Variants in SRGAP2C observed in about 807,000 individuals in gnomAD.
SRGAP2C encodes the protein SLIT-ROBO Rho GTPase activating protein 2C.
Under a neutral mutation model 25.1 loss-of-function variants are expected in SRGAP2C, and 15 were observed. The observed-to-expected ratio is 0.60, with a 90% CI of 0.40 to 0.92. SRGAP2C has a LOEUF of 0.92. SRGAP2C is among the 40% of genes least tolerant of loss of function. The pLI, the probability that SRGAP2C is intolerant of heterozygous loss-of-function variation, is 0.00. For synonymous variants in SRGAP2C, 44 were observed against 96.6 expected (o/e 0.46, Z 3.19); for missense variants, 144 against 264.4 (o/e 0.54, Z 3.16).
In SRGAP2C at chr1:121,213,657, C is replaced by T. The variant is rs1570710431; in HGVS notation, c.67+26144C>T. Among the ~76,000 whole-genome samples the T allele has an allele frequency of 4.6e-5, 3 of 65,164 alleles. 1 individual carries two copies. The highest frequency in any genetic ancestry group is 8.6e-5 in the Non-Finnish European group (3 of 34,696). The allele number at this position is 65,164 out of a possible 152,430, so 42.8% of individuals were successfully genotyped here. On this transcript the variant is annotated intron_variant, in intron 2 of 9. Coordinates refer to ENST00000367123, the MANE Select transcript of SRGAP2C (RefSeq NM_001329984.2). ...GGCGGCTGCGTTCAGCGTCTGTGCT[C>T]CCGGGCTGGGGTGCTTATCTGTAGT...
intron 2 of SRGAP2C, among the ~76,000 whole-genome samples, chr1:121,213,050 T>TTG (rs1488458425): frequency 2.0e-5 from 3 of 148,280 alleles, no homozygotes; most frequent in Non-Finnish European, 4.5e-5. Flanking sequence ...TCTAATTTTT[T>TTG]TTTTTTTTTT....
intron 4 of SRGAP2C, among the ~76,000 whole-genome samples, chr1:121,353,075 G>C (rs1247362144): frequency 2.0e-5 from 3 of 151,056 alleles, no homozygotes; most frequent in African/African-American, 7.3e-5. Flanking sequence ...GGGCAACTGA[G>C]TGAGACTCCA....
chr1:121,281,428 TTCTTCC>T (rs1376809412), intron 2 of SRGAP2C, among the ~76,000 whole-genome samples: 2 of 149,374 alleles, frequency 1.3e-5, no homozygotes, highest in African/African-American at 2.5e-5. Context: ...CTCCTTCTTC[TTCTTCC>T]TCTTCCTCTT....
intron 3 of SRGAP2C, among the ~76,000 whole-genome samples, chr1:121,316,968 T>C (rs1224239456): frequency 6.6e-6 from 1 of 151,444 alleles, no homozygotes; most frequent in Middle Eastern, 3.4e-3. Flanking sequence ...AAAGGGAAGG[T>C]CCCCCAGGTC....
At chr1:121,191,842 C>T (rs1329379830) in intron 2 of SRGAP2C, among the ~76,000 whole-genome samples, 4 of 145,014 alleles carry the variant, frequency 2.8e-5, no homozygotes, top group African/African-American at 1.0e-4. Context: ...AACAGGGTGG[C>T]ACTGTATGCT....
rs587734897 is a variant in SRGAP2C at position 121,367,888 on chromosome 1, C to T, written c.486+2533C>T. 2.5e-3 allele frequency among the ~76,000 whole-genome samples: 359 copies of T among 142,424 alleles called. 3 individuals are homozygous for T. Among genetic ancestry groups the T allele is most frequent in the Middle Eastern group, 0.014 (4 of 276 alleles). The allele number at this position is 142,424 out of a possible 152,430, so 93.4% of individuals were successfully genotyped here. On this transcript the variant is annotated intron_variant, in intron 5 of 9. Coordinates refer to ENST00000367123, the MANE Select transcript of SRGAP2C (RefSeq NM_001329984.2). ...AGGAGATCGAGACCATCCTGGCTAA[C>T]ACGGTGAAACTCTGTCTCTACTAAA...
chr1:121,324,427 G>T (rs1457185379), intron 3 of SRGAP2C, 51 bp from the exon 4 acceptor site: 4 of 1,568,534 alleles, frequency 2.6e-6, no homozygotes, highest in African/African-American at 2.7e-5. Context: ...TGTAGATGTT[G>T]CCCTGGCTGT....
intron 3 of SRGAP2C, among the ~76,000 whole-genome samples, chr1:121,314,002 A>G (rs1160513622): frequency 7.4e-6 from 1 of 135,700 alleles, no homozygotes; most frequent in Non-Finnish European, 1.6e-5. Flanking sequence ...GTTCTCCTGG[A>G]TAATATCCTG....
Position 121,374,948 on chromosome 1 carries a change from T to G in SRGAP2C, c.825T>G (p.Leu275=). 4 of 777,640 alleles carry G rather than the reference T, an allele frequency of 5.1e-6. No individual in the cohort carries two copies. Among genetic ancestry groups the G allele is most frequent in the Non-Finnish European group, 9.6e-6 (4 of 416,540 alleles). 48.2% of individuals were successfully genotyped at this position (777,640 alleles called of 1,614,324 possible). ...ACTACATCCATGACCTATCTGACCT[T>G]ATTGATGTAAGTGCTTAAAGCCAAG... ...FKYYIHDLSD[L]IDQCCDLGYH... is the part of the protein sequence containing the mutation. Residue 275 remains leucine, a synonymous_variant, in exon 7 of 10, where the codon CTT becomes CTG. Coordinates refer to ENST00000367123, the MANE Select transcript of SRGAP2C (RefSeq NM_001329984.2).
intron 3 of SRGAP2C, among the ~76,000 whole-genome samples, chr1:121,296,191 T>C (rs1657595341): frequency 6.6e-6 from 1 of 151,666 alleles, no homozygotes; most frequent in Non-Finnish European, 1.5e-5. Flanking sequence ...TTCTAGTAGT[T>C]GACAAAATGA....
intron 4 of SRGAP2C, among the ~76,000 whole-genome samples, chr1:121,353,398 GTCTTGAAC>G (rs1658975294): frequency 6.8e-6 from 1 of 147,332 alleles, no homozygotes; most frequent in South Asian, 2.2e-4. Flanking sequence ...GCCCAGCCTG[GTCTTGAAC>G]TCCTGGCTTC....
chr1:121,216,367 G>T (rs1449531439), intron 2 of SRGAP2C, among the ~76,000 whole-genome samples: 2 of 152,112 alleles, frequency 1.3e-5, no homozygotes, highest in Admixed American at 6.5e-5. Context: ...ATTCGTTTTT[G>T]TGCCCCAAGA....
chr1:121,273,663 C>T (rs1211425347), intron 2 of SRGAP2C, among the ~76,000 whole-genome samples: 10 of 151,814 alleles, frequency 6.6e-5, no homozygotes, highest in Admixed American at 4.0e-4. Context: ...GACATCTTCA[C>T]GTAACTATGT....
intron 2 of SRGAP2C, among the ~76,000 whole-genome samples, chr1:121,239,186 A>AGG (rs1656034589): frequency 7.9e-4 from 1 of 1,258 alleles, no homozygotes; most frequent in Non-Finnish European, 1.1e-3. Context: ...GACTATATAT[A>AGG]TATATATATA....
intron 2 of SRGAP2C, among the ~76,000 whole-genome samples, chr1:121,270,052 T>G (rs1403453804): frequency 1.3e-5 from 2 of 148,448 alleles, no homozygotes; most frequent in African/African-American, 5.0e-5. Context: ...CCACTTGTTC[T>G]TTGATCGTGG....
intron 2 of SRGAP2C, among the ~76,000 whole-genome samples, chr1:121,211,424 C>T (rs1553323670): frequency 1.8e-5 from 1 of 55,480 alleles, no homozygotes; most frequent in African/African-American, 9.0e-5. Context: ...CATACACACA[C>T]ACACACACAC....
At chr1:121,306,905 A>G (rs1180607461) in intron 3 of SRGAP2C, among the ~76,000 whole-genome samples, 1 of 152,080 alleles carries the variant, frequency 6.6e-6, no homozygotes, top group Non-Finnish European at 1.5e-5. Flanking sequence ...CAATACTTTC[A>G]CAGAACAATA....
chr1:121,282,510 TTCA>T (rs1178632193), intron 2 of SRGAP2C, among the ~76,000 whole-genome samples: 1 of 150,896 alleles, frequency 6.6e-6, no homozygotes, highest in Non-Finnish European at 1.5e-5. Flanking sequence ...CTGTTACTGA[TTCA>T]GTACCTGGAA....
At chr1:121,282,553 C>G (rs1157499298) in intron 2 of SRGAP2C, among the ~76,000 whole-genome samples, 1 of 151,022 alleles carries the variant, frequency 6.6e-6, no homozygotes, top group Non-Finnish European at 1.5e-5. Context: ...CGCCTTGGTT[C>G]TTTTTTTTGT....
Sources: allele counts gnomAD v4.1 joint callset (sites outside exome capture counted in the v4.1 genomes callset), GRCh38; gene constraint gnomAD v4.1.1; transcripts MANE v1.5; gene names NCBI Gene and HGNC (gene_info 2026-07-23, HGNC 2026-07-21).